Variants in DPF3 observed in about 807,000 individuals in gnomAD.
DPF3 encodes double PHD fingers 3, also known as zinc finger protein DPF3.
A neutral mutation model predicts 56.8 loss-of-function variants in DPF3; 18 were observed. The observed-to-expected ratio is 0.32, with a 90% CI of 0.22 to 0.47. The LOEUF is 0.47. Among genes scored for constraint, DPF3 ranks in the 20% least tolerant of loss-of-function variants. DPF3 has a pLI of 1.00. For synonymous variants in DPF3, 188 were observed against 180.2 expected (o/e 1.04, Z -0.35); for missense variants, 403 against 488.8 (o/e 0.82, Z 1.65).
chr14:72,701,635 G>C (rs1231089982), intron 6 of DPF3, among the ~76,000 whole-genome samples: 1 of 152,178 alleles, frequency 6.6e-6, no homozygotes, highest in Non-Finnish European at 1.5e-5. Context: ...TTCCTGCCGG[G>C]GAGAAGCGGC....
chr14:72,760,707 T>A (rs1479019973), intron 2 of DPF3, among the ~76,000 whole-genome samples: 1 of 152,142 alleles, frequency 6.6e-6, no homozygotes, highest in African/African-American at 2.4e-5. Flanking sequence ...GAGTTATAGT[T>A]AATAAACCAA....
At chr14:72,634,230 T>C (rs1885318495) in intron 8 of DPF3, among the ~76,000 whole-genome samples, 4 of 152,164 alleles carry the variant, frequency 2.6e-5, no homozygotes, top group Admixed American at 2.6e-4. Context: ...AAAGTTTAAG[T>C]CATCAGCAGG....
intron 7 of DPF3, among the ~76,000 whole-genome samples, chr14:72,684,267 G>A (rs913155374): frequency 2.0e-5 from 3 of 151,986 alleles, no homozygotes; most frequent in Non-Finnish European, 4.4e-5. Context: ...GGCTGGACTC[G>A]AACTCCTGAG....
chr14:72,740,536 G>A (rs1890081144), intron 3 of DPF3, among the ~76,000 whole-genome samples: 2 of 152,194 alleles, frequency 1.3e-5, no homozygotes, highest in Non-Finnish European at 2.9e-5. Context: ...CCTGAGCAGG[G>A]GGCTTCCCCA....
In DPF3 at chr14:72,610,630, A is replaced by T. The variant is rs1421010174; in HGVS notation, c.*8667T>A. On this transcript the variant is annotated 3_prime_UTR_variant, in exon 11 of 11. Coordinates refer to ENST00000556509, the MANE Select transcript of DPF3 (RefSeq NM_001280542.3). ...GTCTAGTTCTGGCTTTTGTGAATCG[A>T]CCGTGTGACGTAGACAGCACAGCAT... Among the ~76,000 whole-genome samples, 2 of 152,318 alleles carry T rather than the reference A, an allele frequency of 1.3e-5. No individual in the cohort carries two copies. The highest frequency in any genetic ancestry group is 2.9e-5 in the Non-Finnish European group (2 of 68,028).
chr14:72,780,990 T>A (rs1447017445), intron 1 of DPF3, among the ~76,000 whole-genome samples: 1 of 152,234 alleles, frequency 6.6e-6, no homozygotes, highest in Non-Finnish European at 1.5e-5. Context: ...GCTTGGGATG[T>A]GATCCAGACA....
intron 8 of DPF3, among the ~76,000 whole-genome samples, chr14:72,654,906 T>A (rs922864038): frequency 1.4e-4 from 22 of 152,130 alleles, no homozygotes; most frequent in African/African-American, 5.3e-4. Flanking sequence ...AACACATGGA[T>A]CTATTTTTCA....
intron 1 of DPF3, among the ~76,000 whole-genome samples, chr14:72,838,924 T>A (rs1373868316): frequency 4.2e-5 from 5 of 118,430 alleles, no homozygotes; most frequent in East Asian, 2.5e-4. Flanking sequence ...TTTTTTTTTT[T>A]TTTTTTTTTT....
chr14:72,756,888 A>AGAAG lies in DPF3; in HGVS notation c.194-3518_194-3517insCTTC, dbSNP rs1599414186. 4.6e-5 allele frequency among the ~76,000 whole-genome samples: 5 copies of AGAAG among 109,388 alleles called. No individual in the cohort carries two copies. The East Asian group carries it at 6.9e-4, about 15-fold the overall frequency. The allele number at this position is 109,388 out of a possible 152,430, so 71.8% of individuals were successfully genotyped here. A position where few individuals can be genotyped will look rare whatever the true frequency, so the allele number is the denominator to read the frequency against. On this transcript the variant is annotated intron_variant, in intron 2 of 10. Transcript: ENST00000556509. ...AGAAAGAAAGGAAGGAAAGAAGGAA[A>AGAAG]GAAAGAAAGAAAAGAAAAAAAGAAA... is the stretch of plus-strand genomic sequence containing the variant.
intron 1 of DPF3, among the ~76,000 whole-genome samples, chr14:72,772,699 A>G (rs1891583720): frequency 6.6e-6 from 1 of 152,246 alleles, no homozygotes; most frequent in Admixed American, 6.5e-5. Flanking sequence ...ATTTTAAGGT[A>G]GTGTCCTTTT....
intron 8 of DPF3, chr14:72,662,778 C>G: frequency 1.0e-6 from 1 of 987,526 alleles, no homozygotes; most frequent in South Asian, 4.6e-5. Flanking sequence ...TTCTTTTCAC[C>G]TTCTTCGGAA....
At chr14:72,765,671 G>C (rs909104743) in intron 2 of DPF3, among the ~76,000 whole-genome samples, 3 of 152,244 alleles carry the variant, frequency 2.0e-5, no homozygotes, top group African/African-American at 7.2e-5. Context: ...ACACAGGCCG[G>C]GTGCGGTGGC....
chr14:72,713,038 T>C (rs1888723270), intron 6 of DPF3, among the ~76,000 whole-genome samples: 1 of 152,228 alleles, frequency 6.6e-6, no homozygotes, highest in South Asian at 2.1e-4. Flanking sequence ...TTACAGCCAG[T>C]CTCTCAAGGG....
At chr14:72,822,204 C>T (rs1368048609) in intron 1 of DPF3, among the ~76,000 whole-genome samples, 1 of 151,908 alleles carries the variant, frequency 6.6e-6, no homozygotes, top group African/African-American at 2.4e-5. Flanking sequence ...ATGGTGAAAC[C>T]CCATCTCTAC....
intron 9 of DPF3, among the ~76,000 whole-genome samples, chr14:72,624,909 G>A (rs1223463190): frequency 3.3e-5 from 5 of 152,116 alleles, no homozygotes; most frequent in African/African-American, 7.2e-5. Context: ...GCATCATATC[G>A]GGGGAAATTG....
chr14:72,689,247 A>G (rs1048308527), intron 7 of DPF3, among the ~76,000 whole-genome samples: 2 of 152,160 alleles, frequency 1.3e-5, no homozygotes, highest in Non-Finnish European at 2.9e-5. Context: ...CCAAAGTCAA[A>G]AGGTCGCTAC....
intron 8 of DPF3, among the ~76,000 whole-genome samples, chr14:72,649,970 A>G (rs187706301): frequency 1.3e-5 from 2 of 152,334 alleles, no homozygotes; most frequent in Admixed American, 1.3e-4. Context: ...TTCCCCTGAC[A>G]CAGGAGGCCG....
rs905232948 is a variant in DPF3 at position 72,726,400 on chromosome 14, A to G, written c.430-2672T>C. ...TAGAGGCAGCTGAGCTAGTCCCCAGAGTGTCACATGGCCTCCATATCTGGG... is the reference window on the plus strand; with the variant it reads ...TAGAGGCAGCTGAGCTAGTCCCCAGGGTGTCACATGGCCTCCATATCTGGG... On this transcript the variant is annotated intron_variant, in intron 4 of 10. Coordinates refer to ENST00000556509, the MANE Select transcript of DPF3 (RefSeq NM_001280542.3). Among the ~76,000 whole-genome samples the G allele has an allele frequency of 2.6e-5, 4 of 152,152 alleles. No individual in the cohort carries two copies. The East Asian group carries it at 7.7e-4, about 29-fold the overall frequency.
At chr14:72,714,867 G>A (rs528964098) in intron 5 of DPF3, among the ~76,000 whole-genome samples, 9 of 152,244 alleles carry the variant, frequency 5.9e-5, no homozygotes, top group African/African-American at 9.6e-5. Flanking sequence ...ACACACTACC[G>A]TGCCACTGAG....
Sources: gnomAD v4.1 joint callset for allele counts (sites outside exome capture counted in the v4.1 genomes callset) on GRCh38, gnomAD v4.1.1 for gene constraint, MANE v1.5 for transcripts, NCBI Gene and HGNC (gene_info 2026-07-23, HGNC 2026-07-21) for gene names.